CYFIP1: variants seen among roughly 807,000 people sequenced by gnomAD.
The protein encoded by CYFIP1 is cytoplasmic FMR1 interacting protein 1.
CYFIP1 carries 58 observed loss-of-function variants against 163.5 expected under a neutral mutation model. That is an observed-to-expected ratio of 0.35 (90% confidence interval 0.29 to 0.44). The LOEUF (loss-of-function observed/expected upper bound fraction) is 0.44. Ranked by LOEUF, CYFIP1 falls within the 20% of genes least tolerant of loss-of-function variation. The probability of loss-of-function intolerance (pLI) is 1.00; values close to 1 mark genes in which losing one functional copy is unlikely to be tolerated. For synonymous variants in CYFIP1, 663 were observed against 660.7 expected, an observed-to-expected ratio of 1.00 and a Z score of -0.05; for missense variants, 1,338 against 1,653.8, an observed-to-expected ratio of 0.81 and a Z score of 3.31.
At chr15:22,904,279 T>C (rs17137191) in intron 21 of CYFIP1, 9,507 of 297,140 alleles carry the variant, frequency 0.032, 854 homozygotes, top group African/African-American at 0.19. Context: ...GCGTTGGAGC[T>C]GAGCCAGCTT....
At chr15:22,916,790 C>A (rs918042232) in intron 15 of CYFIP1, 160 bp from the exon 16 acceptor site, 22 of 1,583,004 alleles carry the variant, frequency 1.4e-5, no homozygotes, top group Non-Finnish European at 1.9e-5. Flanking sequence ...GTCTACGCGG[C>A]CACGTTGCTG....
chr15:22,917,340 G>A lies in CYFIP1; in HGVS notation c.1674+448C>T, dbSNP rs764738482. 705 of 1,285,416 alleles carry A rather than the reference G, an allele frequency of 5.5e-4. No individual in the cohort carries two copies. Among genetic ancestry groups the A allele is most frequent in the Non-Finnish European group, 6.6e-4 (670 of 1,013,040 alleles). The allele number at this position is 1,285,416 out of a possible 1,614,324, so 79.6% of individuals were successfully genotyped here. On this transcript the variant is annotated intron_variant, in intron 15 of 30. Transcript: ENST00000617928. The surrounding 1 kb of genome is among the most constrained non-coding windows in gnomAD (Gnocchi z 4.2). ...TGTGAAAGTCGTGAGAAGCACCTCGGGGAGGCCTGAACACACCAGGAGAGA... is the reference window on the plus strand; with the variant it reads ...TGTGAAAGTCGTGAGAAGCACCTCGAGGAGGCCTGAACACACCAGGAGAGA...
Position 22,889,063 on chromosome 15 carries a change from A to C in CYFIP1, c.2676+3827T>G, listed in dbSNP as rs186382329. 2.0e-3 allele frequency among the ~76,000 whole-genome samples: 310 copies of C among 152,200 alleles called. 3 individuals carry two copies. Among genetic ancestry groups the C allele is most frequent in the African/African-American group, 7.0e-3 (289 of 41,512 alleles). ...CAAAAAAAAAAAACACACAAAAAAA[A>C]CAAAAAACAAAAAGAAAAACCATGT... On this transcript the variant is annotated intron_variant, in intron 23 of 30. Transcript: ENST00000617928.
chr15:22,867,135 A>G lies in CYFIP1; in HGVS notation c.*2893T>C. On this transcript the variant is annotated 3_prime_UTR_variant, in exon 31 of 31. Coordinates refer to ENST00000617928, the MANE Select transcript of CYFIP1 (RefSeq NM_014608.6). ...GCCGAATGCACTAATGACAGTTTTA[A>G]GTCTATGAAAATGCTTTATTTTTTC... is the stretch of plus-strand genomic sequence containing the variant. The G allele has an allele frequency of 2.2e-6, 1 of 462,532 alleles. No homozygotes were observed. 28.7% of individuals were successfully genotyped at this position (462,532 alleles called of 1,614,324 possible). A position where few individuals can be genotyped will look rare whatever the true frequency, so the allele number is the denominator to read the frequency against.
At chr15:22,951,540 G>A (rs1020260674) in intron 1 of CYFIP1, 4 of 1,287,592 alleles carry the variant, frequency 3.1e-6, no homozygotes, top group Non-Finnish European at 4.0e-6. Flanking sequence ...CGTGTCCTGC[G>A]ACTCCAGCCC....
intron 1 of CYFIP1, among the ~76,000 whole-genome samples, chr15:22,963,351 G>A (rs1024199927): frequency 9.2e-5 from 14 of 152,144 alleles, no homozygotes; most frequent in African/African-American, 2.4e-4. Context: ...TTAGATGGGC[G>A]TGGTGGCAGA....
At chr15:22,922,604 C>T (rs1332874809) in intron 13 of CYFIP1, among the ~76,000 whole-genome samples, 1 of 152,200 alleles carries the variant, frequency 6.6e-6, no homozygotes, top group Non-Finnish European at 1.5e-5. Flanking sequence ...GTCTGGAGGG[C>T]CCCTCACACA....
At chr15:22,940,690 ATTGCATACAG>A (rs1444970910) in intron 6 of CYFIP1, among the ~76,000 whole-genome samples, 2 of 152,258 alleles carry the variant, frequency 1.3e-5, no homozygotes, top group African/African-American at 4.8e-5. Context: ...GCTTTAAATA[ATTGCATACAG>A]TTAAACGTAA....
At chr15:22,920,159 C>T (rs867860988) in intron 13 of CYFIP1, among the ~76,000 whole-genome samples, 46 of 75,518 alleles carry the variant, frequency 6.1e-4, no homozygotes, top group Non-Finnish European at 1.0e-3. Flanking sequence ...ATTAAGGCAG[C>T]TTTTTTTTTT....
At chr15:22,913,395 G>A (rs972621305) in intron 17 of CYFIP1, among the ~76,000 whole-genome samples, 1 of 150,030 alleles carries the variant, frequency 6.7e-6, no homozygotes, top group Admixed American at 6.7e-5. Context: ...GGGCGTGGTG[G>A]TGGGTGCCTG....
chr15:22,894,281 T>TTC (rs1401649497), intron 22 of CYFIP1, among the ~76,000 whole-genome samples: 4 of 130,892 alleles, frequency 3.1e-5, no homozygotes, highest in African/African-American at 9.3e-5. Flanking sequence ...GACTTTTCTT[T>TTC]TTTTTTTTTT....
At chr15:22,885,844 G>A (rs1303828077) in intron 23 of CYFIP1, among the ~76,000 whole-genome samples, 1 of 152,148 alleles carries the variant, frequency 6.6e-6, no homozygotes, top group Admixed American at 6.5e-5. Context: ...ACCTCTGCCT[G>A]TTACCCAGTT....
At chr15:22,916,735 G>A in intron 15 of CYFIP1, 105 bp from the exon 16 acceptor site, 1 of 1,613,124 alleles carries the variant, frequency 6.2e-7, no homozygotes, top group South Asian at 1.1e-5. Flanking sequence ...GCTACGCCCT[G>A]GTCGGGAGGG....
chr15:22,896,739 C>T (rs1414571861), intron 22 of CYFIP1, among the ~76,000 whole-genome samples: 2 of 152,206 alleles, frequency 1.3e-5, no homozygotes, highest in African/African-American at 2.4e-5. Flanking sequence ...GCTGCCTTAA[C>T]ATCCTTGTCT....
chr15:22,926,869 C>T (rs1349289471), intron 12 of CYFIP1, among the ~76,000 whole-genome samples: 2 of 152,088 alleles, frequency 1.3e-5, no homozygotes, highest in South Asian at 2.1e-4. Flanking sequence ...GGGAAGAACT[C>T]GAATTTTTCT....
chr15:22,968,508 C>A (rs1254165455), intron 1 of CYFIP1, among the ~76,000 whole-genome samples: 21 of 152,152 alleles, frequency 1.4e-4, no homozygotes, highest in Non-Finnish European at 2.9e-5. Context: ...GACTTGCCAG[C>A]CTCTACAATT....
At chr15:22,964,097 A>C (rs914430819) in intron 1 of CYFIP1, among the ~76,000 whole-genome samples, 1 of 151,624 alleles carries the variant, frequency 6.6e-6, no homozygotes, top group African/African-American at 2.4e-5. Context: ...AGGTTTACAT[A>C]TATGTGTACC....
chr15:22,971,790 A>G (rs1336645087), intron 1 of CYFIP1, among the ~76,000 whole-genome samples: 1 of 152,172 alleles, frequency 6.6e-6, no homozygotes, highest in Non-Finnish European at 1.5e-5. Flanking sequence ...GGATCGCTTG[A>G]GCCCAGGATA....
intron 30 of CYFIP1, among the ~76,000 whole-genome samples, chr15:22,872,023 C>T (rs541584972): frequency 5.3e-5 from 8 of 152,178 alleles, no homozygotes; most frequent in South Asian, 2.1e-4. Context: ...GGGCTGGGCG[C>T]GCCTGTAATC....
Sources: gnomAD v4.1 joint callset for allele counts (sites outside exome capture counted in the v4.1 genomes callset) on GRCh38, gnomAD v4.1.1 for gene constraint, Gnocchi (gnomAD v3.1) non-coding constraint, MANE v1.5 for transcripts, NCBI Gene and HGNC (gene_info 2026-07-23, HGNC 2026-07-21) for gene names.